Variants in ZNF732 observed in about 807,000 individuals in gnomAD.
The protein encoded by ZNF732 is zinc finger protein LOC654254.
A neutral mutation model predicts 11.5 loss-of-function variants in ZNF732; 12 were observed. The ratio of observed to expected loss-of-function variants is 1.05; its 90% confidence interval spans 0.67 to 1.70. The LOEUF (loss-of-function observed/expected upper bound fraction) is 1.70. ZNF732 is among the 40% of genes most tolerant of loss of function. ZNF732 has a pLI of 0.00. For missense variants in ZNF732, 702 were observed against 676.9 expected (o/e 1.04, Z -0.41); for synonymous variants, 231 against 236.5 (o/e 0.98, Z 0.21).
chr4:287,186 T>A (rs1474764281), intron 3 of ZNF732, among the ~76,000 whole-genome samples: 19 of 151,318 alleles, frequency 1.3e-4, no homozygotes, highest in African/African-American at 4.6e-4. Context: ...GAAGCAAAAT[T>A]GCCAAATCCA....
intron 1 of ZNF732, 151 bp downstream of exon 1, chr4:305,157 G>A: frequency 9.2e-7 from 1 of 1,088,394 alleles, no homozygotes; most frequent in Non-Finnish European, 1.3e-6. Context: ...GGACCGACAT[G>A]AACCCGGGTC....
chr4:275,299 A>C (rs1023910422), intron 3 of ZNF732, among the ~76,000 whole-genome samples: 3 of 151,792 alleles, frequency 2.0e-5, no homozygotes, highest in African/African-American at 7.2e-5. Flanking sequence ...GCTCTTGTTC[A>C]AAGTTTGAAA....
intron 1 of ZNF732, among the ~76,000 whole-genome samples, chr4:303,251 C>G (rs782055962): frequency 6.6e-6 from 1 of 152,096 alleles, no homozygotes; most frequent in Non-Finnish European, 1.5e-5. Flanking sequence ...CTTTCTAAAC[C>G]AAAGTATAAA....
rs375084408 is a variant in ZNF732 at position 287,033 on chromosome 4, C to T, written c.226+8405G>A. 8.5e-5 allele frequency among the ~76,000 whole-genome samples: 13 copies of T among 152,132 alleles called. No homozygotes were observed. In the South Asian group the frequency reaches 2.1e-3, roughly 24 times the overall value. On this transcript the variant is annotated intron_variant, in intron 3 of 3. Coordinates refer to ENST00000419098, the MANE Select transcript of ZNF732 (RefSeq NM_001137608.3). ...GGGCGTGGTGGTGCACGCCTGTAGTCCCAGCTACTCAGGAGGCTGAGGCAG... is the reference window on the plus strand; with the variant it reads ...GGGCGTGGTGGTGCACGCCTGTAGTTCCAGCTACTCAGGAGGCTGAGGCAG...
chr4:272,766 G>A (rs1719417162), intron 3 of ZNF732, 136 bp from the exon 4 acceptor site: 3 of 853,412 alleles, frequency 3.5e-6, no homozygotes, highest in Middle Eastern at 3.7e-4. Flanking sequence ...TTTCTTCACA[G>A]ACATATATAT....
chr4:305,302 A>T lies in ZNF732; in HGVS notation c.3+6T>A. On this transcript the variant is annotated splice_donor_region_variant and intron_variant, in intron 1 of 3. Transcript: ENST00000419098. ...CAGCCTTGGGACGCCCTGCCCCCAC[A>T]CTCACCATTTCCCCACTTCAGGGGT... 1 of 1,606,940 alleles carries T rather than the reference A, an allele frequency of 6.2e-7. No homozygotes were observed. Among genetic ancestry groups the T allele is most frequent in the Non-Finnish European group, 8.5e-7 (1 of 1,179,480 alleles).
chr4:280,802 C>A (rs1451641336), intron 3 of ZNF732, among the ~76,000 whole-genome samples: 1 of 152,176 alleles, frequency 6.6e-6, no homozygotes, highest in African/African-American at 2.4e-5. Flanking sequence ...GTTCCTGCTA[C>A]TAGCACCATC....
At chr4:304,814 T>G (rs1720195447) in intron 1 of ZNF732, among the ~76,000 whole-genome samples, 1 of 152,176 alleles carries the variant, frequency 6.6e-6, no homozygotes, top group African/African-American at 2.4e-5. Flanking sequence ...GGCGGGTGAT[T>G]TGCTTCGCTT....
chr4:276,990 T>A (rs1316873658), intron 3 of ZNF732, among the ~76,000 whole-genome samples: 6 of 151,848 alleles, frequency 4.0e-5, no homozygotes, highest in African/African-American at 1.2e-4. Context: ...CAGTAATAAA[T>A]TCCTGAACCT....
At chr4:297,415 G>C (rs1383487276) in intron 1 of ZNF732, among the ~76,000 whole-genome samples, 1 of 152,082 alleles carries the variant, frequency 6.6e-6, no homozygotes, top group Non-Finnish European at 1.5e-5. Flanking sequence ...TGGGAGGTGG[G>C]CACTAAGTGT....
Position 295,561 on chromosome 4 carries a change from A to G in ZNF732, c.131-28T>C, listed in dbSNP as rs1213337388. The G allele has an allele frequency of 2.6e-6, 4 of 1,554,160 alleles. No individual in the cohort carries two copies. The African/African-American group carries it at 4.1e-5, about 16-fold the overall frequency. ...GTTTATTTTAAAAAATTAACATGCTACTGTTAGGGATTCTCCAATTACCTA... is the reference window on the plus strand; with the variant it reads ...GTTTATTTTAAAAAATTAACATGCTGCTGTTAGGGATTCTCCAATTACCTA... On this transcript the variant is annotated intron_variant, in intron 2 of 3. Coordinates refer to ENST00000419098, the MANE Select transcript of ZNF732 (RefSeq NM_001137608.3).
intron 3 of ZNF732, among the ~76,000 whole-genome samples, chr4:289,393 G>A (rs1464346077): frequency 2.6e-5 from 4 of 152,202 alleles, no homozygotes; most frequent in Non-Finnish European, 5.9e-5. Context: ...TGCAATGATA[G>A]CTTTTTGGAA....
chr4:282,583 C>T (rs909508030), intron 3 of ZNF732, among the ~76,000 whole-genome samples: 2 of 151,994 alleles, frequency 1.3e-5, no homozygotes, highest in South Asian at 4.1e-4. Context: ...TGCTTGTAAT[C>T]CCAGCTACTT....
At chr4:290,469 C>A (rs1719824037) in intron 3 of ZNF732, among the ~76,000 whole-genome samples, 1 of 152,170 alleles carries the variant, frequency 6.6e-6, no homozygotes, top group African/African-American at 2.4e-5. Flanking sequence ...AGCTGTGGTC[C>A]CTGAAGCAGC....
In ZNF732 at chr4:295,969, A is replaced by C. The variant is rs1560163729; in HGVS notation, c.130+60T>G. The stretch of plus-strand genomic sequence containing the variant: ...AAGGTTCCCAAGAGACATTCTACAA[A>C]AATAGAAAATAAAACTCCCTGAGGG... On this transcript the variant is annotated intron_variant, in intron 2 of 3. Coordinates refer to ENST00000419098, the MANE Select transcript of ZNF732 (RefSeq NM_001137608.3). The C allele has an allele frequency of 7.0e-6, 11 of 1,569,974 alleles. No individual in the cohort carries two copies. In the East Asian group the frequency reaches 2.5e-4, roughly 35 times the overall value.
Position 272,634 on chromosome 4 carries a change from A to C in ZNF732, c.227-4T>G. 1 of 1,494,208 alleles carries C rather than the reference A, an allele frequency of 6.7e-7. No individual in the cohort carries two copies. The highest frequency in any genetic ancestry group is 8.9e-7 in the Non-Finnish European group (1 of 1,123,808). 92.6% of individuals were successfully genotyped at this position (1,494,208 alleles called of 1,614,324 possible). ...TGGGTGAAATGAGAACACACAGCTG[A>C]AAGAAATAAAAATAAATTATCCTGC... is the stretch of plus-strand genomic sequence containing the variant. On this transcript the variant is annotated splice_region_variant and splice_polypyrimidine_tract_variant and intron_variant, in intron 3 of 3. Coordinates refer to ENST00000419098, the MANE Select transcript of ZNF732 (RefSeq NM_001137608.3).
At chr4:279,872 C>A (rs944292013) in intron 3 of ZNF732, among the ~76,000 whole-genome samples, 2 of 152,018 alleles carry the variant, frequency 1.3e-5, no homozygotes, top group Non-Finnish European at 2.9e-5. Context: ...GTGATGACCA[C>A]CAGAAAGAAA....
intron 2 of ZNF732, among the ~76,000 whole-genome samples, chr4:295,801 A>G (rs548877769): frequency 6.6e-6 from 1 of 152,348 alleles, no homozygotes; most frequent in Admixed American, 6.5e-5. Context: ...TTCGAGAATT[A>G]CCACTAACCT....
chr4:300,403 T>C (rs1267321219), intron 1 of ZNF732, among the ~76,000 whole-genome samples: 3 of 136,692 alleles, frequency 2.2e-5, no homozygotes, highest in East Asian at 2.1e-4. Context: ...GCAGAGGTTG[T>C]AGTGAGCAAC....
Sources: gnomAD v4.1 joint callset for allele counts (sites outside exome capture counted in the v4.1 genomes callset) on GRCh38, gnomAD v4.1.1 for gene constraint, MANE v1.5 for transcripts, NCBI Gene and HGNC (gene_info 2026-07-23, HGNC 2026-07-21) for gene names.